The following OCA2 variants were observed in gnomAD, a reference collection of about 807,000 sequenced individuals.
OCA2 encodes the protein OCA2 melanosomal transmembrane protein.
Under a neutral mutation model 100.2 loss-of-function variants are expected in OCA2, and 77 were observed. That is an observed-to-expected ratio of 0.77 (90% CI 0.64 to 0.93). OCA2 has a LOEUF of 0.93. OCA2 is among the 40% of genes least tolerant of loss of function. The pLI is 0.00. For synonymous variants in OCA2, 432 were observed against 439.2 expected (o/e 0.98, Z 0.21); for missense variants, 1,062 against 1,089.1 (o/e 0.98, Z 0.35).
intron 23 of OCA2, among the ~76,000 whole-genome samples, chr15:27,804,892 C>T (rs953566078): frequency 6.6e-6 from 1 of 152,220 alleles, no homozygotes; most frequent in Admixed American, 6.5e-5. Flanking sequence ...GTCAGTCGTC[C>T]GTATTTTCTC....
intron 19 of OCA2, among the ~76,000 whole-genome samples, chr15:27,921,442 A>G (rs2038855999): frequency 1.3e-5 from 2 of 152,246 alleles, no homozygotes; most frequent in Admixed American, 1.3e-4. Flanking sequence ...TACAAGATCT[A>G]CTAAAGGAAA....
At chr15:28,058,252 G>A (rs530038187) in intron 2 of OCA2, among the ~76,000 whole-genome samples, 6 of 152,356 alleles carry the variant, frequency 3.9e-5, no homozygotes, top group African/African-American at 1.4e-4. Context: ...CTGGGTGCTG[G>A]TCCACTGCCC....
chr15:27,815,468 G>A (rs1021212457), intron 23 of OCA2, among the ~76,000 whole-genome samples: 4 of 152,156 alleles, frequency 2.6e-5, no homozygotes, highest in Non-Finnish European at 5.9e-5. Flanking sequence ...GTTGGTGAGG[G>A]TTTAGAGAAT....
intron 9 of OCA2, among the ~76,000 whole-genome samples, chr15:27,999,507 T>C (rs2041860720): frequency 6.6e-6 from 1 of 152,192 alleles, no homozygotes; most frequent in Non-Finnish European, 1.5e-5. Context: ...ACAGCTAACA[T>C]TATACTCCAT....
rs1172821817 is a variant in OCA2, at chr15:28,074,673, CAA to C, written c.227+6973_227+6974del. ...TGGGCAACAGAGCGAGACTCCGTCT[CAA>C]AAAAAAAAAAAAAAAAAAAAAATTA... On this transcript the variant is annotated intron_variant, in intron 2 of 23. Transcript: ENST00000354638. 3.8e-3 allele frequency among the ~76,000 whole-genome samples: 257 copies of C among 66,902 alleles called. 1 individual carries two copies. Among genetic ancestry groups the C allele is most frequent in the Admixed American group, 0.013 (73 of 5,772 alleles). 43.9% of individuals were successfully genotyped at this position (66,902 alleles called of 152,430 possible). A position where few individuals can be genotyped will look rare whatever the true frequency, so the allele number is the denominator to read the frequency against.
At chr15:27,905,098 A>G (rs1226332217) in intron 19 of OCA2, among the ~76,000 whole-genome samples, 2 of 146,798 alleles carry the variant, frequency 1.4e-5, no homozygotes, top group African/African-American at 5.0e-5. Flanking sequence ...CAGGAGGCAG[A>G]GGTTGCAATG....
chr15:27,739,387 A>G, the OCA2 span, among the ~76,000 whole-genome samples: 1 of 151,326 alleles, frequency 6.6e-6, no homozygotes, highest in Non-Finnish European at 1.5e-5. Context: ...CAGTGATGAC[A>G]TGACTGCCTG....
Position 27,944,659 on chromosome 15 carries a change from G to A in OCA2, c.1951+7125C>T, listed in dbSNP as rs925220689. Among the ~76,000 whole-genome samples the A allele has an allele frequency of 1.3e-5, 2 of 152,068 alleles. 1 individual carries two copies. Among genetic ancestry groups the A allele is most frequent in the South Asian group, 4.1e-4 (2 of 4,824 alleles). ...TACTCAGAAATGACTCTGCATGCAG[G>A]AGAACCATTTCCCACACCCCTATGA... On this transcript the variant is annotated intron_variant, in intron 18 of 23. Coordinates refer to ENST00000354638, the MANE Select transcript of OCA2 (RefSeq NM_000275.3).
chr15:27,799,288 G>A (rs144718620), intron 23 of OCA2, among the ~76,000 whole-genome samples: 6 of 152,282 alleles, frequency 3.9e-5, no homozygotes, highest in East Asian at 1.9e-4. Context: ...CAGTGAACAC[G>A]TAGAGGTCTC....
chr15:27,919,325 C>T (rs1007234968), intron 19 of OCA2, among the ~76,000 whole-genome samples: 14 of 152,084 alleles, frequency 9.2e-5, no homozygotes, highest in African/African-American at 3.1e-4. Flanking sequence ...CATAGACGTT[C>T]GTAGCAGCTT....
intron 23 of OCA2, among the ~76,000 whole-genome samples, chr15:27,798,864 A>G (rs1487937529): frequency 1.3e-5 from 2 of 152,180 alleles, no homozygotes; most frequent in Non-Finnish European, 2.9e-5. Flanking sequence ...TAGTAAGTAC[A>G]GAGACACAAT....
At chr15:27,790,289 T>C (rs574185816) in intron 23 of OCA2, among the ~76,000 whole-genome samples, 2 of 152,208 alleles carry the variant, frequency 1.3e-5, no homozygotes, top group Non-Finnish European at 2.9e-5. Flanking sequence ...AAACGAACTT[T>C]CATACATTAC....
intron 19 of OCA2, among the ~76,000 whole-genome samples, chr15:27,923,997 C>T (rs878937404): frequency 2.0e-5 from 3 of 152,002 alleles, no homozygotes; most frequent in Non-Finnish European, 2.9e-5. Context: ...TTGGGGTTTA[C>T]GTTTAAGTCT....
At chr15:27,764,785 A>T (rs2151005666) in intron 23 of OCA2, among the ~76,000 whole-genome samples, 1 of 152,334 alleles carries the variant, frequency 6.6e-6, no homozygotes, top group South Asian at 2.1e-4. Flanking sequence ...CCAGACCCCA[A>T]GAGAGGATTC....
At chr15:28,001,809 C>T (rs1481823357) in intron 9 of OCA2, among the ~76,000 whole-genome samples, 1 of 152,218 alleles carries the variant, frequency 6.6e-6, no homozygotes. Context: ...CAGCGATGCC[C>T]GGAGGCCGTG....
At chr15:28,006,981 G>A (rs1395311025) in intron 9 of OCA2, among the ~76,000 whole-genome samples, 2 of 152,146 alleles carry the variant, frequency 1.3e-5, no homozygotes, top group South Asian at 2.1e-4. Flanking sequence ...CATCTCCCTC[G>A]AATTTAATTT....
chr15:27,948,707 C>T (rs2039927946), intron 18 of OCA2, among the ~76,000 whole-genome samples: 1 of 152,166 alleles, frequency 6.6e-6, no homozygotes, highest in African/African-American at 2.4e-5. Flanking sequence ...CTCAAGCAAT[C>T]CACCCTCCTC....
chr15:27,827,391 A>G (rs2034771322), intron 23 of OCA2, among the ~76,000 whole-genome samples: 1 of 152,184 alleles, frequency 6.6e-6, no homozygotes, highest in Non-Finnish European at 1.5e-5. Flanking sequence ...GTGCTCAGGT[A>G]ATTCCGGGTT....
intron 9 of OCA2, among the ~76,000 whole-genome samples, chr15:28,014,095 C>T (rs1386308041): frequency 6.6e-6 from 1 of 152,170 alleles, no homozygotes; most frequent in Non-Finnish European, 1.5e-5. Context: ...CTAGGACGCG[C>T]CTCTAACGGT....
Sources: allele counts gnomAD v4.1 joint callset (sites outside exome capture counted in the v4.1 genomes callset), GRCh38; gene constraint gnomAD v4.1.1; transcripts MANE v1.5; gene names NCBI Gene and HGNC (gene_info 2026-07-23, HGNC 2026-07-21).